RPN2: variants seen among roughly 807,000 people sequenced by gnomAD.
RPN2 encodes the protein ribophorin II, also known as dolichyl-diphosphooligosaccharide--protein glycosyltransferase subunit 2.
RPN2 carries 29 observed loss-of-function variants against 71.4 expected under a neutral mutation model. The ratio of observed to expected loss-of-function variants is 0.41; its 90% confidence interval spans 0.30 to 0.55. RPN2 has a LOEUF of 0.55. Among genes scored for constraint, RPN2 ranks in the 20% least tolerant of loss-of-function variants. RPN2 has a pLI of 0.35. For missense variants in RPN2, 726 were observed against 774.1 expected (o/e 0.94, Z 0.74); for synonymous variants, 308 against 305.0 (o/e 1.01, Z -0.10).
chr20:37,189,313 G>C (rs1294678750), intron 2 of RPN2, among the ~76,000 whole-genome samples: 5 of 70,632 alleles, frequency 7.1e-5, no homozygotes, highest in South Asian at 4.5e-4. Context: ...GGGCCAAACT[G>C]TGTGTGTGTA....
chr20:37,198,580 T>A (rs563413035), intron 3 of RPN2, 88 bp downstream of exon 3: 12 of 1,591,056 alleles, frequency 7.5e-6, no homozygotes, highest in East Asian at 2.3e-5. Flanking sequence ...ATCCTTTTTT[T>A]AATTATGAGA....
intron 9 of RPN2, among the ~76,000 whole-genome samples, chr20:37,218,921 T>C (rs771968383): frequency 1.2e-4 from 18 of 152,360 alleles, no homozygotes; most frequent in Admixed American, 3.9e-4. Flanking sequence ...TACCGACTTA[T>C]CAGTTAATGA....
At chr20:37,206,516 C>T (rs1462053061) in intron 6 of RPN2, among the ~76,000 whole-genome samples, 2 of 152,056 alleles carry the variant, frequency 1.3e-5, no homozygotes, top group African/African-American at 4.8e-5. Context: ...GCCTCAGTTT[C>T]ATTTTTTGGG....
intron 3 of RPN2, 132 bp downstream of exon 3, chr20:37,198,624 G>GTT: frequency 1.8e-6 from 2 of 1,142,772 alleles, no homozygotes; most frequent in Non-Finnish European, 2.3e-6. Context: ...CCATTCCTGT[G>GTT]ATTTTTTTTT....
intron 7 of RPN2, among the ~76,000 whole-genome samples, chr20:37,208,261 C>A (rs1410188636): frequency 1.1e-5 from 1 of 87,072 alleles, no homozygotes; most frequent in Non-Finnish European, 2.5e-5. Context: ...AGAGTGAGAC[C>A]CTGTCTAAAA....
At chr20:37,208,285 A>T (rs1003491371) in intron 7 of RPN2, among the ~76,000 whole-genome samples, 2 of 149,168 alleles carry the variant, frequency 1.3e-5, no homozygotes, top group Non-Finnish European at 3.0e-5. Context: ...AAAAAAAAAA[A>T]ATACAGGCTT....
chr20:37,232,307 C>T lies in RPN2; in HGVS notation c.1593C>T (p.Arg531=), dbSNP rs781412404. ...GTGTCTTTCGGCAGCACCTGTTCCGCGAGCCTGAGAAGAGGCCCCCCACCG... is the reference window on the plus strand; with the variant it reads ...GTGTCTTTCGGCAGCACCTGTTCCGTGAGCCTGAGAAGAGGCCCCCCACCG... ...TPKQEIQHLF[R]EPEKRPPTVV... Residue 531 remains arginine (R), a synonymous_variant, in exon 14 of 17, where the codon CGC becomes CGT. Transcript: ENST00000237530. The T allele has an allele frequency of 2.0e-5, 32 of 1,614,074 alleles. No individual in the cohort carries two copies. Among genetic ancestry groups the T allele is most frequent in the Admixed American group, 3.3e-5 (2 of 60,010 alleles).
intron 2 of RPN2, among the ~76,000 whole-genome samples, chr20:37,190,989 A>G (rs1254644451): frequency 6.6e-6 from 1 of 152,234 alleles, no homozygotes; most frequent in Non-Finnish European, 1.5e-5. Context: ...TGCTGCCTTC[A>G]GCTCAGTAGA....
chr20:37,214,294 T>A (rs931055962), intron 9 of RPN2, among the ~76,000 whole-genome samples: 1 of 152,188 alleles, frequency 6.6e-6, no homozygotes, highest in Non-Finnish European at 1.5e-5. Flanking sequence ...ATGAAGCTAT[T>A]TGGGTAAAGG....
At chr20:37,184,157 C>T (rs2066947866) in intron 1 of RPN2, 23 bp from the exon 2 acceptor site, 2 of 1,613,828 alleles carry the variant, frequency 1.2e-6, no homozygotes, top group Admixed American at 1.7e-5. Flanking sequence ...GTAGAGTGTA[C>T]TGAATGGTTG....
At chr20:37,236,150 G>A (rs2068382126) in intron 15 of RPN2, among the ~76,000 whole-genome samples, 1 of 152,040 alleles carries the variant, frequency 6.6e-6, no homozygotes, top group Non-Finnish European at 1.5e-5. Context: ...CTGAAGTACA[G>A]TGGTGTGATC....
At chr20:37,236,789 G>A in intron 16 of RPN2, 80 bp downstream of exon 16, 1 of 1,442,348 alleles carries the variant, frequency 6.9e-7, no homozygotes, top group Admixed American at 1.7e-5. Flanking sequence ...TGAAGGGTAG[G>A]TGGCAAAATG....
chr20:37,238,944 C>T (rs2068479210), intron 16 of RPN2, among the ~76,000 whole-genome samples: 2 of 152,136 alleles, frequency 1.3e-5, no homozygotes, highest in African/African-American at 4.8e-5. Context: ...CTGATGGCCA[C>T]AGATCAAAGC....
At position 37,240,309 on chromosome 20, in the gene RPN2, C is replaced by T. The variant is rs367818637; in HGVS notation, c.1884-994C>T. 2.0e-5 allele frequency among the ~76,000 whole-genome samples: 3 copies of T among 152,354 alleles called. No individual in the cohort carries two copies. In the East Asian group the frequency reaches 5.8e-4, roughly 29 times the overall value. ...GTTCTTATTTCATACTCATGCCATC[C>T]TTTCTGCATGAACATTTCTGAATGC... On this transcript the variant is annotated intron_variant, in intron 16 of 16. Transcript: ENST00000237530.
At chr20:37,197,748 G>A (rs992640191) in intron 2 of RPN2, among the ~76,000 whole-genome samples, 6 of 151,988 alleles carry the variant, frequency 3.9e-5, no homozygotes, top group Non-Finnish European at 7.4e-5. Flanking sequence ...ACAGGCATGC[G>A]CCACCTGCTC....
At chr20:37,207,595 T>C in intron 7 of RPN2, 146 bp downstream of exon 7, 1 of 803,408 alleles carries the variant, frequency 1.2e-6, no homozygotes, top group South Asian at 1.4e-5. Flanking sequence ...TCCCTGAGCC[T>C]TGAAATGGAG....
chr20:37,195,240 CA>C (rs2067229667), intron 2 of RPN2, among the ~76,000 whole-genome samples: 1 of 152,168 alleles, frequency 6.6e-6, no homozygotes, highest in Non-Finnish European at 1.5e-5. Flanking sequence ...GCAGGCTGAG[CA>C]TGTTCTGGGA....
At chr20:37,233,390 T>C (rs1293433596) in intron 14 of RPN2, among the ~76,000 whole-genome samples, 1 of 152,150 alleles carries the variant, frequency 6.6e-6, no homozygotes, top group Non-Finnish European at 1.5e-5. Context: ...TAAACAAACA[T>C]GAATGCATAT....
At chr20:37,230,244 G>C (rs143422517) in intron 13 of RPN2, among the ~76,000 whole-genome samples, 185 bp downstream of exon 13, 1 of 152,308 alleles carries the variant, frequency 6.6e-6, no homozygotes, top group East Asian at 1.9e-4. Context: ...AAAGAGTCCG[G>C]TGACTAACCC....
Sources: gnomAD v4.1 joint callset for allele counts (sites outside exome capture counted in the v4.1 genomes callset) on GRCh38, gnomAD v4.1.1 for gene constraint, MANE v1.5 for transcripts, NCBI Gene and HGNC (gene_info 2026-07-23, HGNC 2026-07-21) for gene names.